The following LGI4 variants were observed in gnomAD, a reference collection of about 807,000 sequenced individuals.
The protein encoded by LGI4 is leucine rich repeat LGI family member 4.
Under a neutral mutation model 48.3 loss-of-function variants are expected in LGI4, and 36 were observed. The ratio of observed to expected loss-of-function variants is 0.75; its 90% CI spans 0.57 to 0.98. LGI4 has a LOEUF of 0.98. Among genes scored for constraint, LGI4 ranks in the 50% least tolerant of loss-of-function variants. The pLI is 0.00. For missense variants in LGI4, 701 were observed against 732.1 expected (o/e 0.96, Z 0.49); for synonymous variants, 355 against 331.6 (o/e 1.07, Z -0.77).
intron 6 of LGI4, among the ~76,000 whole-genome samples, chr19:35,129,593 G>GT (rs1379069128): frequency 6.6e-6 from 1 of 152,162 alleles, no homozygotes; most frequent in Non-Finnish European, 1.5e-5. Flanking sequence ...AGTATGCTTG[G>GT]TAAAAGTCAT....
intron 6 of LGI4, among the ~76,000 whole-genome samples, chr19:35,128,251 C>T (rs1296477025): frequency 3.9e-5 from 6 of 152,174 alleles, no homozygotes; most frequent in African/African-American, 1.2e-4. Flanking sequence ...AAGGCTGCTC[C>T]GCTTGTTAGT....
chr19:35,128,729 T>C (rs1293451634), intron 6 of LGI4, among the ~76,000 whole-genome samples: 1 of 151,874 alleles, frequency 6.6e-6, no homozygotes, highest in African/African-American at 2.4e-5. Context: ...CAAACAAACA[T>C]ACAAAAAACT....
At chr19:35,134,211 G>T in intron 1 of LGI4, 107 bp from the exon 2 acceptor site, 1 of 1,031,882 alleles carries the variant, frequency 9.7e-7, no homozygotes, top group South Asian at 1.4e-5. Context: ...CCCTGACCCT[G>T]GATGTGTCTC....
Position 35,126,255 on chromosome 19 carries a change from C to T in LGI4, c.1299+15G>A, listed in dbSNP as rs754623991. Reference sequence around the variant, plus strand: ...TGCTGAAAAGCCAGCCCCCCGCCCCCAGGCCCAGCCTCACCATGGAGTCCC... The same window carrying T: ...TGCTGAAAAGCCAGCCCCCCGCCCCTAGGCCCAGCCTCACCATGGAGTCCC... On this transcript the variant is annotated intron_variant, in intron 8 of 8. Coordinates refer to ENST00000310123, the MANE Select transcript of LGI4 (RefSeq NM_139284.3). 14 of 1,608,976 alleles carry T rather than the reference C, an allele frequency of 8.7e-6. No individual in the cohort carries two copies. In the African/African-American group the frequency reaches 1.1e-4, roughly 12 times the overall value.
chr19:35,133,696 T>C lies in LGI4; in HGVS notation c.311A>G (p.Tyr104Cys). ...DAFAGLSHLQ[Y>C]LFIEDNEIGS... ...TCCATCCCCTGGCCTCACTCACAGG[T>C]ACTGCAGGTGGGACAGGCCCGCAAA... Residue 104 changes from tyrosine to cysteine, a missense_variant, in exon 3 of 9, where the codon TAC (tyrosine) becomes TGC (cysteine). This residue lies in a region of LGI4 where 462 missense variants were observed against 436.4 expected (regional missense o/e 1.06). Coordinates refer to ENST00000310123, the MANE Select transcript of LGI4 (RefSeq NM_139284.3). 1 of 1,601,632 alleles carries C rather than the reference T, an allele frequency of 6.2e-7. No homozygotes were observed. The highest frequency in any genetic ancestry group is 1.7e-5 in the Admixed American group (1 of 58,412).
Position 35,126,918 on chromosome 19 carries a change from C to CCGG in LGI4, c.725_727dup (p.Ala242dup). On this transcript the variant is annotated inframe_insertion, in exon 7 of 9. Coordinates refer to ENST00000310123, the MANE Select transcript of LGI4 (RefSeq NM_139284.3). The stretch of plus-strand genomic sequence containing the variant: ...GTCCCAGGAGAGAATCAGGCAGCGG[C>CCGG]CGGCGAAGGGCTGTGCCAGCACAAT... The CCGG allele has an allele frequency of 6.2e-7, 1 of 1,613,626 alleles. No homozygotes were observed. The highest frequency in any genetic ancestry group is 2.2e-5 in the East Asian group (1 of 44,872).
At chr19:35,132,417 T>G (rs1350863317) in intron 3 of LGI4, among the ~76,000 whole-genome samples, 1 of 150,308 alleles carries the variant, frequency 6.7e-6, no homozygotes, top group African/African-American at 2.5e-5. Flanking sequence ...ACTGCCATTA[T>G]CCCCAACACC....
chr19:35,132,632 A>G (rs1187971313), intron 3 of LGI4, among the ~76,000 whole-genome samples: 1 of 152,136 alleles, frequency 6.6e-6, no homozygotes, highest in Non-Finnish European at 1.5e-5. Context: ...CATTGTCACC[A>G]ATAACATCAC....
intron 3 of LGI4, 136 bp from the exon 4 acceptor site, chr19:35,132,178 A>C: frequency 4.1e-6 from 3 of 736,996 alleles, no homozygotes; most frequent in Non-Finnish European, 7.0e-6. Flanking sequence ...CCTCTCAAAA[A>C]CCTCTCCTCC....
chr19:35,128,310 C>A (rs1289688070), intron 6 of LGI4, among the ~76,000 whole-genome samples: 1 of 152,246 alleles, frequency 6.6e-6, no homozygotes, highest in Non-Finnish European at 1.5e-5. Flanking sequence ...ACTCTGCGTG[C>A]CAGGCCCTGT....
At chr19:35,133,927 C>T (rs979507417) in intron 2 of LGI4, 106 bp downstream of exon 2, 31 of 1,323,752 alleles carry the variant, frequency 2.3e-5, no homozygotes, top group Middle Eastern at 1.8e-4. Context: ...CCCCCACACA[C>T]GTGCATCAAT....
chr19:35,133,430 G>C (rs914163768), intron 3 of LGI4: 4 of 1,304,256 alleles, frequency 3.1e-6, no homozygotes, highest in South Asian at 1.9e-5. Flanking sequence ...CTGGTTATCC[G>C]GGCCCTTTGT....
intron 6 of LGI4, among the ~76,000 whole-genome samples, chr19:35,130,653 C>T (rs138634772): frequency 2.0e-4 from 30 of 152,288 alleles, no homozygotes; most frequent in African/African-American, 6.7e-4. Flanking sequence ...GCTATGATGG[C>T]GCCATTGCAC....
chr19:35,132,505 C>T (rs76916509), intron 3 of LGI4, among the ~76,000 whole-genome samples: 5,422 of 152,010 alleles, frequency 0.036, 162 homozygotes, highest in Middle Eastern at 0.054. Flanking sequence ...TCTGTAATGA[C>T]CAACCCAATG....
intron 8 of LGI4, chr19:35,126,052 G>T (rs535617306): frequency 4.9e-6 from 3 of 607,090 alleles, no homozygotes; most frequent in South Asian, 3.9e-5. Flanking sequence ...CCAGCATTTG[G>T]GGGTAGAATC....
chr19:35,131,915 T>TG (rs971484223), intron 4 of LGI4, 55 bp from the exon 5 acceptor site: 5 of 1,566,536 alleles, frequency 3.2e-6, no homozygotes, highest in South Asian at 1.2e-5. Context: ...CTGTGTTCCC[T>TG]GGGGGGTGGA....
intron 6 of LGI4, among the ~76,000 whole-genome samples, chr19:35,130,238 G>T (rs1189791970): frequency 2.0e-5 from 3 of 152,134 alleles, no homozygotes; most frequent in Non-Finnish European, 4.4e-5. Flanking sequence ...AGTCCCCTGG[G>T]CCCACTTTTC....
Position 35,126,278 on chromosome 19 carries a change from C to T in LGI4, c.1291G>A (p.Asp431Asn). 6.2e-7 allele frequency: 1 copy of T among 1,611,818 alleles called. No homozygotes were observed. Among genetic ancestry groups the T allele is most frequent in the Non-Finnish European group, 8.5e-7 (1 of 1,179,510 alleles). ...CCCAGGCCCAGCCTCACCATGGAGT[C>T]CCCAATGTAGCGTGTGAGGCACAGG... is the stretch of plus-strand genomic sequence containing the variant. ...VFLCLTRYIG[D>N]SMVMRWDGSM... The change falls in exon 8 of 9, where the codon GAC (aspartate) becomes AAC (asparagine). Residue 431 changes from aspartate to asparagine, a missense_variant. Coordinates refer to ENST00000310123, the MANE Select transcript of LGI4 (RefSeq NM_139284.3).
chr19:35,127,132 G>C (rs1298130672), intron 6 of LGI4, 115 bp from the exon 7 acceptor site: 4 of 1,075,308 alleles, frequency 3.7e-6, no homozygotes, highest in South Asian at 1.6e-5. Flanking sequence ...CCCCTCATAG[G>C]GACATATAAC....
Sources: allele counts gnomAD v4.1 joint callset (sites outside exome capture counted in the v4.1 genomes callset), GRCh38; gene constraint gnomAD v4.1.1; regional missense constraint gnomAD v4.1.1; transcripts MANE v1.5; gene names NCBI Gene and HGNC (gene_info 2026-07-23, HGNC 2026-07-21).